CFAP299: variants seen among roughly 807,000 people sequenced by gnomAD.
The protein encoded by CFAP299 is cilia- and flagella-associated protein 299.
Under a neutral mutation model 27.0 loss-of-function variants are expected in CFAP299, and 21 were observed. The ratio of observed to expected loss-of-function variants is 0.78; its 90% CI spans 0.55 to 1.12. CFAP299 has a LOEUF of 1.12. Ranked by LOEUF, CFAP299 falls within the 50% of genes most tolerant of loss-of-function variation. CFAP299 has a pLI of 0.00. For synonymous variants in CFAP299, 104 were observed against 98.1 expected (o/e 1.06, Z -0.36); for missense variants, 310 against 276.6 (o/e 1.12, Z -0.86).
rs190582254 is a variant in CFAP299 at position 80,500,525 on chromosome 4, A to G, written c.243-82568A>G. ...CCAAACTATCAAATTTTAAATTGCA[A>G]TAATTCTACTGGTTCAAAATAATCT... On this transcript the variant is annotated intron_variant, in intron 2 of 5. Transcript: ENST00000358105. 5.9e-5 allele frequency among the ~76,000 whole-genome samples: 9 copies of G among 152,268 alleles called. No individual in the cohort carries two copies. In the East Asian group the frequency reaches 1.7e-3, roughly 29 times the overall value.
chr4:80,514,080 G>A (rs1156788506), intron 2 of CFAP299, among the ~76,000 whole-genome samples: 1 of 152,010 alleles, frequency 6.6e-6, no homozygotes, highest in East Asian at 1.9e-4. Context: ...CCTCAAAAAT[G>A]TGTGTTTTTT....
At chr4:80,328,107 G>A in the CFAP299 span, among the ~76,000 whole-genome samples, 2 of 152,074 alleles carry the variant, frequency 1.3e-5, no homozygotes, top group Non-Finnish European at 2.9e-5. Flanking sequence ...AGTGGTGGCC[G>A]AAAATTTTGG....
intron 2 of CFAP299, among the ~76,000 whole-genome samples, chr4:80,576,125 GTA>G (rs1418419088): frequency 1.3e-5 from 2 of 150,826 alleles, no homozygotes; most frequent in Admixed American, 1.3e-4. Context: ...CATGACACAT[GTA>G]TACATATGTA....
At chr4:80,509,930 C>T (rs902281770) in intron 2 of CFAP299, among the ~76,000 whole-genome samples, 7 of 151,072 alleles carry the variant, frequency 4.6e-5, no homozygotes, top group African/African-American at 1.7e-4. Flanking sequence ...CCTGTGGGTT[C>T]TTCACTGTTC....
At chr4:80,948,424 CTTGT>C (rs1489108315) in intron 5 of CFAP299, among the ~76,000 whole-genome samples, 10 of 135,570 alleles carry the variant, frequency 7.4e-5, no homozygotes, top group African/African-American at 2.3e-4. Flanking sequence ...GTGAAGAATG[CTTGT>C]TTGAGTGATT....
chr4:80,409,973 G>T (rs762099554), intron 2 of CFAP299, among the ~76,000 whole-genome samples: 2 of 152,194 alleles, frequency 1.3e-5, no homozygotes, highest in East Asian at 1.9e-4. Flanking sequence ...CTCTGGAGAA[G>T]GTCCAGCGAA....
chr4:80,607,890 T>A (rs1490540051), intron 3 of CFAP299, among the ~76,000 whole-genome samples: 2 of 152,182 alleles, frequency 1.3e-5, no homozygotes, highest in Admixed American at 6.5e-5. Context: ...TGGTCATGAA[T>A]CTTTCATAGT....
chr4:80,395,692 T>C (rs564901113), intron 2 of CFAP299, among the ~76,000 whole-genome samples: 1 of 152,142 alleles, frequency 6.6e-6, no homozygotes, highest in Non-Finnish European at 1.5e-5. Context: ...GATTTAAAAA[T>C]GGGATGATGT....
rs114667046 is a variant in CFAP299 at position 80,455,829 on chromosome 4, T to C, written c.242+92945T>C. Among the ~76,000 whole-genome samples the C allele has an allele frequency of 7.1e-3, 1,076 of 152,300 alleles. 17 individuals are homozygous for C. Among genetic ancestry groups the C allele is most frequent in the African/African-American group, 0.025 (1,030 of 41,556 alleles). On this transcript the variant is annotated intron_variant, in intron 2 of 5. Transcript: ENST00000358105. ...CTTCCCATTCATTATCTAGTGTTGA[T>C]TGAGCACCTACTGTATATCTGTCAT...
intron 2 of CFAP299, among the ~76,000 whole-genome samples, chr4:80,577,397 A>T (rs1163398501): frequency 6.0e-4 from 59 of 98,840 alleles, no homozygotes; most frequent in East Asian, 2.3e-3. Context: ...ATTAGAAAAC[A>T]TTTTTTTTTT....
intron 2 of CFAP299, among the ~76,000 whole-genome samples, chr4:80,544,407 A>T (rs1454566400): frequency 6.6e-6 from 1 of 152,206 alleles, no homozygotes; most frequent in African/African-American, 2.4e-5. Context: ...TGCCCCACTT[A>T]AAAGTCATAG....
chr4:80,642,274 T>A (rs1739766016), intron 3 of CFAP299, among the ~76,000 whole-genome samples: 1 of 152,212 alleles, frequency 6.6e-6, no homozygotes, highest in Non-Finnish European at 1.5e-5. Flanking sequence ...ACTGATTAAA[T>A]TTGGATTTAA....
intron 2 of CFAP299, among the ~76,000 whole-genome samples, chr4:80,542,056 C>T (rs1172749659): frequency 2.0e-5 from 3 of 151,970 alleles, no homozygotes; most frequent in Non-Finnish European, 4.4e-5. Flanking sequence ...TGAGTCTGCT[C>T]ACTCTCTCTA....
chr4:80,878,241 C>T (rs575819125), intron 4 of CFAP299, among the ~76,000 whole-genome samples: 8 of 152,136 alleles, frequency 5.3e-5, no homozygotes, highest in East Asian at 1.9e-4. Context: ...ATGACATTGA[C>T]GTTTTAAAAA....
intron 3 of CFAP299, among the ~76,000 whole-genome samples, chr4:80,757,430 T>C (rs547758049): frequency 2.0e-5 from 3 of 152,126 alleles, no homozygotes; most frequent in Non-Finnish European, 4.4e-5. Flanking sequence ...TTCAAAGAGG[T>C]TATAGTAGGG....
At chr4:80,870,220 T>C (rs989810465) in intron 4 of CFAP299, 85 bp downstream of exon 4, 5 of 1,460,252 alleles carry the variant, frequency 3.4e-6, no homozygotes, top group South Asian at 1.5e-5. Context: ...AAAATGCTAA[T>C]GTATATATAA....
chr4:80,636,191 A>G (rs1284455424), intron 3 of CFAP299, among the ~76,000 whole-genome samples: 9 of 152,158 alleles, frequency 5.9e-5, no homozygotes, highest in Non-Finnish European at 1.0e-4. Context: ...ATTAGAGAGG[A>G]AGAAAGTGAC....
At position 80,711,589 on chromosome 4, in the gene CFAP299, G is replaced by A. The variant is rs531016539; in HGVS notation, c.333+128406G>A. Among the ~76,000 whole-genome samples the A allele has an allele frequency of 2.4e-4, 37 of 152,244 alleles. 1 individual carries two copies. Among genetic ancestry groups the A allele is most frequent in the Admixed American group, 6.5e-4 (10 of 15,280 alleles). On this transcript the variant is annotated intron_variant, in intron 3 of 5. Coordinates refer to ENST00000358105, the MANE Select transcript of CFAP299 (RefSeq NM_152770.3). ...TTATTTTACGGATGAGGAAACTGGG[G>A]CTGAGGGATGTTGAGTGACTTGTCT...
chr4:80,871,574 C>A, intron 4 of CFAP299: 1 of 985,420 alleles, frequency 1.0e-6, no homozygotes, highest in Non-Finnish European at 1.2e-6. Flanking sequence ...CAAATGGCAT[C>A]ACCCTTGAAA....
Sources: allele counts gnomAD v4.1 joint callset (sites outside exome capture counted in the v4.1 genomes callset), GRCh38; gene constraint gnomAD v4.1.1; transcripts MANE v1.5; gene names NCBI Gene and HGNC (gene_info 2026-07-23, HGNC 2026-07-21).